The following MTHFD1L variants were observed in gnomAD, a reference collection of about 807,000 sequenced individuals.
The protein encoded by MTHFD1L is methylenetetrahydrofolate dehydrogenase (NADP+ dependent) 1 like.
MTHFD1L carries 81 observed loss-of-function variants against 119.5 expected under a neutral mutation model. The ratio of observed to expected loss-of-function variants is 0.68; its 90% CI spans 0.57 to 0.82. MTHFD1L has a LOEUF of 0.82. MTHFD1L is among the 40% of genes least tolerant of loss of function. The pLI is 0.00. For missense variants in MTHFD1L, 1,125 were observed against 1,253.4 expected, an observed-to-expected ratio of 0.90 and a Z score of 1.55; for synonymous variants, 430 against 475.2, an observed-to-expected ratio of 0.90 and a Z score of 1.24.
chr6:150,936,745 G>T, intron 11 of MTHFD1L, 59 bp from the exon 12 acceptor site: 2 of 1,573,902 alleles, frequency 1.3e-6, no homozygotes, highest in Non-Finnish European at 1.7e-6. Flanking sequence ...GTCTTCGGCT[G>T]GTTTTGCATA....
intron 7 of MTHFD1L, among the ~76,000 whole-genome samples, chr6:150,905,130 T>C (rs1384813251): frequency 6.8e-6 from 1 of 147,580 alleles, no homozygotes. Flanking sequence ...GCCTCCTGGG[T>C]TCAAGTGATT....
intron 11 of MTHFD1L, among the ~76,000 whole-genome samples, chr6:150,932,868 A>T (rs966153916): frequency 1.1e-4 from 15 of 133,702 alleles, no homozygotes; most frequent in African/African-American, 4.7e-4. Context: ...AGATTACCTT[A>T]AGGAAAGAAG....
rs1554253971 is a variant in MTHFD1L at position 150,932,840 on chromosome 6, A to AAGGG, written c.1257-3961_1257-3958dup. Among the ~76,000 whole-genome samples the AAGGG allele has an allele frequency of 4.9e-5, 7 of 143,004 alleles. No individual in the cohort carries two copies. The South Asian group carries it at 6.8e-4, about 14-fold the overall frequency. The allele number at this position is 143,004 out of a possible 152,430, so 93.8% of individuals were successfully genotyped here. A position where few individuals can be genotyped will look rare whatever the true frequency, so the allele number is the denominator to read the frequency against. ...GGAGGAAGGAAGGAAGGAAGGAAGGAAGGGAGAGAGAGTAATTAGATTACC... is the reference window on the plus strand; with the variant it reads ...GGAGGAAGGAAGGAAGGAAGGAAGGAAGGGAGGGAGAGAGAGTAATTAGATTACC... On this transcript the variant is annotated intron_variant, in intron 11 of 27. Coordinates refer to ENST00000367321, the MANE Select transcript of MTHFD1L (RefSeq NM_015440.5).
chr6:151,003,254 G>A (rs1780871212), intron 20 of MTHFD1L, among the ~76,000 whole-genome samples: 1 of 152,140 alleles, frequency 6.6e-6, no homozygotes, highest in African/African-American at 2.4e-5. Context: ...AAAGTTGGCC[G>A]GGCGCCGTGG....
Position 150,865,933 on chromosome 6 carries a change from A to AGGCGGC in MTHFD1L, c.117_122dup (p.Gly41_Gly42dup). Reference sequence around the variant, plus strand: ...GTCGCGCTAGCAGCGGCGGCGGCGGAGGCGGCGGCGGTGGCCGGGAGGGCC... The same window carrying AGGCGGC: ...GTCGCGCTAGCAGCGGCGGCGGCGGAGGCGGCGGCGGCGGCGGTGGCCGGGAGGGCC... On this transcript the variant is annotated inframe_insertion, in exon 1 of 28. Coordinates refer to ENST00000367321, the MANE Select transcript of MTHFD1L (RefSeq NM_015440.5). The AGGCGGC allele has an allele frequency of 8.3e-7, 1 of 1,206,024 alleles. No individual in the cohort carries two copies. The highest frequency in any genetic ancestry group is 1.0e-6 in the Non-Finnish European group (1 of 975,062). 74.7% of individuals were successfully genotyped at this position (1,206,024 alleles called of 1,614,324 possible).
chr6:151,007,131 T>C (rs1184115852), intron 20 of MTHFD1L, among the ~76,000 whole-genome samples: 4 of 151,882 alleles, frequency 2.6e-5, no homozygotes, highest in Non-Finnish European at 1.5e-5. Flanking sequence ...TCCTTCCTCC[T>C]CTTGGTCTCT....
At chr6:151,052,544 C>G (rs1343091256) in intron 26 of MTHFD1L, among the ~76,000 whole-genome samples, 2 of 152,166 alleles carry the variant, frequency 1.3e-5, no homozygotes, top group Non-Finnish European at 1.5e-5. Context: ...ATGACTCAGG[C>G]AGGGTGGCAC....
intron 4 of MTHFD1L, among the ~76,000 whole-genome samples, chr6:150,878,968 A>G (rs1780923173): frequency 6.6e-6 from 1 of 152,160 alleles, no homozygotes; most frequent in Admixed American, 6.5e-5. Context: ...CTTTAAAGAC[A>G]TTTCCTGAAA....
At chr6:151,011,524 G>C (rs1261061358) in intron 21 of MTHFD1L, among the ~76,000 whole-genome samples, 1 of 152,142 alleles carries the variant, frequency 6.6e-6, no homozygotes, top group Non-Finnish European at 1.5e-5. Flanking sequence ...TACAGTCCTG[G>C]TCTCTTGACA....
At chr6:151,071,092 T>C (rs1216168214) in intron 26 of MTHFD1L, among the ~76,000 whole-genome samples, 2 of 152,218 alleles carry the variant, frequency 1.3e-5, no homozygotes, top group African/African-American at 4.8e-5. Context: ...ATAAATGTTG[T>C]TTATAATCCT....
rs376976540 is a variant in MTHFD1L at position 151,072,135 on chromosome 6, G to T, written c.2848-20332G>T. Among the ~76,000 whole-genome samples the T allele has an allele frequency of 7.2e-5, 11 of 151,726 alleles. No individual in the cohort carries two copies. In the East Asian group the frequency reaches 1.9e-3, roughly 27 times the overall value. ...TGAGCCACCACGCCCGGCTAGTACA[G>T]AATTTTTTATGGCCCCTTTTAAAGA... On this transcript the variant is annotated intron_variant, in intron 26 of 27. Transcript: ENST00000367321.
At chr6:151,044,282 G>C (rs1389474972) in intron 26 of MTHFD1L, among the ~76,000 whole-genome samples, 1 of 150,796 alleles carries the variant, frequency 6.6e-6, no homozygotes, top group African/African-American at 2.4e-5. Flanking sequence ...AGGAGGCACC[G>C]CATGGGTACA....
chr6:151,016,918 G>A (rs550602249), intron 24 of MTHFD1L: 10 of 176,990 alleles, frequency 5.7e-5, no homozygotes, highest in South Asian at 5.4e-4. Flanking sequence ...GACTACAGGC[G>A]CAAGCAAGCG....
chr6:150,927,005 A>G (rs1790107782), intron 11 of MTHFD1L, among the ~76,000 whole-genome samples: 1 of 152,206 alleles, frequency 6.6e-6, no homozygotes, highest in Non-Finnish European at 1.5e-5. Context: ...TTGAAATTTC[A>G]TTTCAGTGAC....
chr6:150,996,910 T>C (rs2128457255), intron 20 of MTHFD1L, among the ~76,000 whole-genome samples: 1 of 152,260 alleles, frequency 6.6e-6, no homozygotes, highest in African/African-American at 2.4e-5. Flanking sequence ...TTCGCCTGCT[T>C]TCTAGGTGCG....
intron 7 of MTHFD1L, among the ~76,000 whole-genome samples, chr6:150,904,725 T>C (rs563927882): frequency 2.0e-5 from 3 of 152,318 alleles, no homozygotes; most frequent in Non-Finnish European, 4.4e-5. Context: ...TACCTTTTTG[T>C]CTTAATGTCA....
chr6:150,932,973 GAGCTAAAGAT>G lies in MTHFD1L; in HGVS notation c.1257-3829_1257-3820del, dbSNP rs1791411564. ...TATCCCCGTTGATGATTTGGAATCTGAGCTAAAGATACTGGGGGGAAAACTAAACCAAATT... is the reference window on the plus strand; with the variant it reads ...TATCCCCGTTGATGATTTGGAATCTGACTGGGGGGAAAACTAAACCAAATT... On this transcript the variant is annotated intron_variant, in intron 11 of 27. Coordinates refer to ENST00000367321, the MANE Select transcript of MTHFD1L (RefSeq NM_015440.5). Among the ~76,000 whole-genome samples the G allele has an allele frequency of 4.6e-5, 7 of 152,276 alleles. No homozygotes were observed. The South Asian group carries it at 1.2e-3, about 27-fold the overall frequency.
At position 151,015,587 on chromosome 6, in the gene MTHFD1L, C is replaced by T; in HGVS notation, c.2480C>T (p.Pro827Leu). 1 of 1,614,092 alleles carries T rather than the reference C, an allele frequency of 6.2e-7. No homozygotes were observed. Among genetic ancestry groups the T allele is most frequent in the Non-Finnish European group, 8.5e-7 (1 of 1,180,018 alleles). ...CGGGCTGGTGCCTTTGATGCAGTCCCCTGCTATCACTGGTCCGTTGGTGGA... is the reference window on the plus strand; with the variant it reads ...CGGGCTGGTGCCTTTGATGCAGTCCTCTGCTATCACTGGTCCGTTGGTGGA... ...AKRAGAFDAV[P>L]CYHWSVGGKG... The change falls in exon 24 of 28, where the codon CCC becomes CTC. Residue 827 changes from proline (P) to leucine (L), a missense_variant. By Grantham distance (98) the Pro-to-Leu change is moderately conservative. Around this residue, in one of 3 missense-constraint regions of MTHFD1L, gnomAD observed 1,058 missense variants for 1,151.2 expected, o/e 0.92. Transcript: ENST00000367321.
intron 1 of MTHFD1L, chr6:150,866,754 TGCGG>T: frequency 2.0e-6 from 2 of 990,528 alleles, no homozygotes; most frequent in Non-Finnish European, 2.4e-6. Context: ...CAGGGTTTTC[TGCGG>T]GCCCAGAGCG....
Sources: gnomAD v4.1 joint callset for allele counts (sites outside exome capture counted in the v4.1 genomes callset) on GRCh38, gnomAD v4.1.1 for gene constraint, gnomAD v4.1.1 regional missense constraint, MANE v1.5 for transcripts, NCBI Gene and HGNC (gene_info 2026-07-23, HGNC 2026-07-21) for gene names.